ZNF423: variants seen among roughly 807,000 people sequenced by gnomAD.
The protein encoded by ZNF423 is Ebf-associated zinc finger protein.
Under a neutral mutation model 95.8 loss-of-function variants are expected in ZNF423, and 12 were observed. The observed-to-expected ratio is 0.13, with a 90% confidence interval of 0.08 to 0.20. The LOEUF (loss-of-function observed/expected upper bound fraction) is 0.20. Ranked by LOEUF, ZNF423 falls within the 10% of genes least tolerant of loss-of-function variation. ZNF423 has a pLI of 1.00. For synonymous variants in ZNF423, 749 were observed against 711.9 expected, an observed-to-expected ratio of 1.05 and a Z score of -0.83; for missense variants, 1,316 against 1,737.1, an observed-to-expected ratio of 0.76 and a Z score of 4.31.
In ZNF423 at chr16:49,514,394, C is replaced by T. The variant is rs528162621; in HGVS notation, c.3849+9230G>A. ...AGCTCCATGAGAATAGAAACCCTGTCTCCTTGTTCCCAGTTCTGTCTCAGG... is the reference window on the plus strand; with the variant it reads ...AGCTCCATGAGAATAGAAACCCTGTTTCCTTGTTCCCAGTTCTGTCTCAGG... On this transcript the variant is annotated intron_variant, in intron 7 of 7. Transcript: ENST00000563137. Among the ~76,000 whole-genome samples, 6 of 152,228 alleles carry T rather than the reference C, an allele frequency of 3.9e-5. No homozygotes were observed. The East Asian group carries it at 1.2e-3, about 30-fold the overall frequency.
intron 2 of ZNF423, among the ~76,000 whole-genome samples, chr16:49,773,007 G>T (rs2034060787): frequency 6.6e-6 from 1 of 152,204 alleles, no homozygotes; most frequent in African/African-American, 2.4e-5. Context: ...GCTGAGCGAA[G>T]GGGGAAGCCC....
intron 6 of ZNF423, 25 bp downstream of exon 6, chr16:49,525,338 G>A (rs768013521): frequency 1.8e-5 from 29 of 1,613,364 alleles, no homozygotes; most frequent in Non-Finnish European, 2.3e-5. Flanking sequence ...TCTCTCCCCT[G>A]AGGGGCACAA....
intron 1 of ZNF423, among the ~76,000 whole-genome samples, chr16:49,809,606 G>A (rs763312145): frequency 5.9e-5 from 9 of 152,190 alleles, no homozygotes; most frequent in Admixed American, 4.6e-4. Context: ...CAGAGGCTCC[G>A]CTCTGCACCT....
intron 1 of ZNF423, among the ~76,000 whole-genome samples, chr16:49,810,365 T>G (rs548922372): frequency 5.3e-5 from 8 of 152,240 alleles, no homozygotes; most frequent in Non-Finnish European, 8.8e-5. Flanking sequence ...CTGCCACTGC[T>G]GCTCTCATTA....
rs570142552 is a variant in ZNF423 at position 49,808,678 on chromosome 16, A to G, written c.41-19132T>C. 3.9e-5 allele frequency among the ~76,000 whole-genome samples: 6 copies of G among 152,310 alleles called. No homozygotes were observed. In the East Asian group the frequency reaches 9.7e-4, roughly 25 times the overall value. ...GAGGACAGTGGGAGGGGCGGGGGACATGCTGGCTACACACTCTGGCAAGCA... is the reference window on the plus strand; with the variant it reads ...GAGGACAGTGGGAGGGGCGGGGGACGTGCTGGCTACACACTCTGGCAAGCA... On this transcript the variant is annotated intron_variant, in intron 1 of 7. Coordinates refer to ENST00000563137, the MANE Select transcript of ZNF423 (RefSeq NM_001379286.1).
intron 2 of ZNF423, among the ~76,000 whole-genome samples, chr16:49,736,828 C>T (rs2033297630): frequency 6.6e-6 from 1 of 152,176 alleles, no homozygotes; most frequent in African/African-American, 2.4e-5. Context: ...TCCCACCTCA[C>T]TGAGCTACTG....
At chr16:49,685,290 C>T (rs1305969945) in intron 3 of ZNF423, among the ~76,000 whole-genome samples, 1 of 152,192 alleles carries the variant, frequency 6.6e-6, no homozygotes, top group South Asian at 2.1e-4. Flanking sequence ...GTCTCCACAA[C>T]AGATATTAAC....
At chr16:49,751,032 G>A (rs993094685) in intron 2 of ZNF423, among the ~76,000 whole-genome samples, 6 of 152,180 alleles carry the variant, frequency 3.9e-5, no homozygotes, top group African/African-American at 1.4e-4. Context: ...CCCAGGACAC[G>A]CCATCAAATC....
At chr16:49,570,872 G>A (rs1055353576) in intron 5 of ZNF423, among the ~76,000 whole-genome samples, 2 of 152,236 alleles carry the variant, frequency 1.3e-5, no homozygotes, top group Admixed American at 1.3e-4. Context: ...GCACAAGTGT[G>A]TCAGCAGAGG....
At chr16:49,663,735 G>C (rs2030376781) in intron 3 of ZNF423, among the ~76,000 whole-genome samples, 1 of 152,116 alleles carries the variant, frequency 6.6e-6, no homozygotes, top group South Asian at 2.1e-4. Context: ...GGAGGTCAAT[G>C]GGTGGGGCAC....
At chr16:49,553,219 G>T (rs1419590004) in intron 5 of ZNF423, among the ~76,000 whole-genome samples, 3 of 152,150 alleles carry the variant, frequency 2.0e-5, no homozygotes, top group Admixed American at 6.5e-5. Flanking sequence ...TGTTAGAAGG[G>T]TTAGAGGTAC....
At chr16:49,765,677 G>A (rs150754898) in intron 2 of ZNF423, among the ~76,000 whole-genome samples, 8 of 152,196 alleles carry the variant, frequency 5.3e-5, no homozygotes, top group East Asian at 1.9e-4. Context: ...CCATGATCGC[G>A]CCACTGCACT....
chr16:49,840,944 G>A (rs1394681), intron 1 of ZNF423, among the ~76,000 whole-genome samples: 26,700 of 152,258 alleles, frequency 0.18, 2,883 homozygotes, highest in Middle Eastern at 0.27. Context: ...TTCTGGTGGG[G>A]TGGGGAGGAC....
intron 1 of ZNF423, among the ~76,000 whole-genome samples, chr16:49,804,936 GT>G (rs1250173785): frequency 9.0e-6 from 1 of 111,244 alleles, no homozygotes; most frequent in Non-Finnish European, 1.7e-5. Flanking sequence ...TACTTACTCT[GT>G]CCCCCAGGCT....
chr16:49,631,802 T>G (rs1972512326), intron 4 of ZNF423, among the ~76,000 whole-genome samples: 1 of 152,152 alleles, frequency 6.6e-6, no homozygotes, highest in Non-Finnish European at 1.5e-5. Context: ...TGGGCAGCAT[T>G]TATGCTAAAT....
chr16:49,513,702 C>G (rs955948014), intron 7 of ZNF423, among the ~76,000 whole-genome samples: 1 of 151,906 alleles, frequency 6.6e-6, no homozygotes, highest in African/African-American at 2.4e-5. Flanking sequence ...GGTGTCTTCA[C>G]TCTCCAAAAA....
rs1972652443 is a variant in ZNF423, at chr16:49,635,423, A to G, written c.3516+237T>C. Among the ~76,000 whole-genome samples the G allele has an allele frequency of 6.6e-6, 1 of 152,256 alleles. No individual in the cohort carries two copies. Among genetic ancestry groups the G allele is most frequent in the Non-Finnish European group, 1.5e-5 (1 of 68,042 alleles). ...AATTATTATTCCCATTTTATACATT[A>G]GCATTTGACAAATGAGACCCAGAGA... is the stretch of plus-strand genomic sequence containing the variant. On this transcript the variant is annotated intron_variant, in intron 4 of 7. Coordinates refer to ENST00000563137, the MANE Select transcript of ZNF423 (RefSeq NM_001379286.1). This position sits in a 1 kb window ranked among gnomAD's most constrained non-coding sequence, Gnocchi z 4.8.
At chr16:49,726,334 A>C (rs2033013151) in intron 3 of ZNF423, among the ~76,000 whole-genome samples, 1 of 152,194 alleles carries the variant, frequency 6.6e-6, no homozygotes, top group African/African-American at 2.4e-5. Context: ...CTACAGGCCC[A>C]CAGGTGACTG....
chr16:49,578,529 C>T (rs1042757383), intron 5 of ZNF423, among the ~76,000 whole-genome samples: 1 of 152,214 alleles, frequency 6.6e-6, no homozygotes, highest in Non-Finnish European at 1.5e-5. Context: ...CACAGATGAG[C>T]AGAAAACAGA....
Sources: gnomAD v4.1 joint callset for allele counts (sites outside exome capture counted in the v4.1 genomes callset) on GRCh38, gnomAD v4.1.1 for gene constraint, Gnocchi (gnomAD v3.1) non-coding constraint, MANE v1.5 for transcripts, NCBI Gene and HGNC (gene_info 2026-07-23, HGNC 2026-07-21) for gene names.